LRRC37B: variants seen among roughly 807,000 people sequenced by gnomAD.
LRRC37B encodes the protein leucine-rich repeat-containing protein 37B.
Under a neutral mutation model 98.3 loss-of-function variants are expected in LRRC37B, and 28 were observed. That is an observed-to-expected ratio of 0.28 (90% CI 0.21 to 0.39). The LOEUF is 0.39. Among genes scored for constraint, LRRC37B ranks in the 10% least tolerant of loss-of-function variants. The pLI is 1.00. For synonymous variants in LRRC37B, 364 were observed against 442.7 expected (o/e 0.82, Z 2.23); for missense variants, 938 against 1,182.7 (o/e 0.79, Z 3.03).
chr17:32,021,213 A>G, exon 1 of LRRC37B: 1 of 1,612,846 alleles, frequency 6.2e-7, no homozygotes, highest in Non-Finnish European at 8.5e-7. Flanking sequence ...TTTACTAGTC[A>G]AGGAGGCTCA....
intron 2 of LRRC37B, 102 bp from the exon 6 acceptor site, chr17:32,027,667 A>G (rs968680475): frequency 8.7e-7 from 1 of 1,153,528 alleles, no homozygotes; most frequent in African/African-American, 1.5e-5. Flanking sequence ...ACCATCTTGA[A>G]ATGACCATGA....
rs1051711722 is a variant in LRRC37B, at chr17:32,025,052, T to TTTC, written c.1832+270_1832+271insTTC. ...CTCGTTTTTTTTTTTTTTTTTTTTT[T>TTTC]CAGAGACAAGGTCTTACTTTGTCCC... is the stretch of plus-strand genomic sequence containing the variant. On this transcript the variant is annotated intron_variant, in intron 2 of 11. Coordinates refer to ENST00000327564, the Ensembl canonical transcript of LRRC37B. Among the ~76,000 whole-genome samples the TTTC allele has an allele frequency of 3.2e-4, 43 of 135,978 alleles. 1 individual carries two copies. The highest frequency in any genetic ancestry group is 1.0e-3 in the African/African-American group (39 of 38,338). The allele number at this position is 135,978 out of a possible 152,430, so 89.2% of individuals were successfully genotyped here.
chr17:32,049,290 G>A (rs1448937807), exon 10 of LRRC37B: 1 of 1,613,816 alleles, frequency 6.2e-7, no homozygotes, highest in South Asian at 1.1e-5. Context: ...CGAGCAGCAG[G>A]AAGCAAAGGC....
At chr17:32,020,497 C>T (rs1910739219), upstream of LRRC37B, among the ~76,000 whole-genome samples, 1 of 152,114 alleles carries the variant, frequency 6.6e-6, no homozygotes, top group Non-Finnish European at 1.5e-5. Flanking sequence ...GAAGCCTTCT[C>T]TCCCAGACTG....
At position 32,022,188 on chromosome 17, in the gene LRRC37B, G is replaced by C. The variant is rs377312057; in HGVS notation, c.1123G>C (p.Val375Leu). The C allele has an allele frequency of 5.0e-6, 8 of 1,613,782 alleles. No individual in the cohort carries two copies. In the African/African-American group the frequency reaches 9.3e-5, roughly 19 times the overall value. ...CAAGTTTACAGTCAAACCTGCAGAT[G>C]TGGAGGTTACCATGACTTCAGAGCC... Residue 375 changes from valine (V) to leucine (L), a missense_variant, in exon 1 of 12, where the codon GTG (valine) becomes CTG (leucine). Transcript: ENST00000327564.
chr17:32,015,574 T>G (rs937151667), intron 1 of LRRC37B, among the ~76,000 whole-genome samples: 1 of 152,216 alleles, frequency 6.6e-6, no homozygotes, highest in African/African-American at 2.4e-5. Flanking sequence ...AGTTGTCTTT[T>G]GAAGTCTAGA....
chr17:32,053,218 A>G (rs2142266010), intron 11 of LRRC37B, 48 bp from the exon 15 acceptor site: 1 of 1,266,514 alleles, frequency 7.9e-7, no homozygotes, highest in Non-Finnish European at 1.1e-6. Context: ...CATTGGAGAT[A>G]GTGGTTGTTG....
chr17:32,046,599 C>CTTTTTTTT (rs796570580), intron 8 of LRRC37B, among the ~76,000 whole-genome samples: 67 of 132,770 alleles, frequency 5.0e-4, no homozygotes, highest in Admixed American at 9.1e-4. Flanking sequence ...TTCTTTTTTT[C>CTTTTTTTT]TTTTTTTTTT....
intron 3 of LRRC37B, among the ~76,000 whole-genome samples, chr17:32,030,271 G>A (rs1396358259): frequency 6.6e-6 from 1 of 152,072 alleles, no homozygotes; most frequent in Non-Finnish European, 1.5e-5. Flanking sequence ...ACTGGCTTAG[G>A]AAAACAAAGC....
At chr17:32,022,350 G>T in exon 1 of LRRC37B, 1 of 1,613,976 alleles carries the variant, frequency 6.2e-7, no homozygotes, top group Non-Finnish European at 8.5e-7. Flanking sequence ...TCCACCTTCA[G>T]ACAAGGGTCA....
chr17:32,012,302 C>T (rs999000782), intron 1 of LRRC37B, among the ~76,000 whole-genome samples: 19 of 152,200 alleles, frequency 1.2e-4, no homozygotes, highest in African/African-American at 3.9e-4. Context: ...TTTATGCGTC[C>T]TGTATTTTGA....
intron 5 of LRRC37B, 132 bp downstream of exon 8, chr17:32,031,590 A>G (rs1911108224): frequency 1.6e-6 from 2 of 1,223,866 alleles, no homozygotes; most frequent in African/African-American, 1.6e-5. Flanking sequence ...GTTTTTCTCA[A>G]ATGGGGAAAC....
At chr17:32,039,627 G>T (rs1911369236) in intron 7 of LRRC37B, among the ~76,000 whole-genome samples, 1 of 130,482 alleles carries the variant, frequency 7.7e-6, no homozygotes, top group Non-Finnish European at 1.6e-5. Flanking sequence ...ATTTCTGCAA[G>T]GCCCTATTGT....
At chr17:32,020,804 G>C, upstream of LRRC37B, 1 of 652,896 alleles carries the variant, frequency 1.5e-6, no homozygotes, top group Non-Finnish European at 2.4e-6. Context: ...CCAAGGCCAG[G>C]TCCCGTGACT....
chr17:32,025,029 C>CTTTTT (rs1567614542), intron 2 of LRRC37B, among the ~76,000 whole-genome samples: 2 of 35,240 alleles, frequency 5.7e-5, no homozygotes, highest in Non-Finnish European at 5.6e-5. Context: ...TTTTTTTCCT[C>CTTTTT]GTTTTTTTTT....
At chr17:32,018,867 A>T (rs916680535), upstream of LRRC37B, among the ~76,000 whole-genome samples, 4 of 152,142 alleles carry the variant, frequency 2.6e-5, no homozygotes, top group Non-Finnish European at 5.9e-5. Flanking sequence ...TAGACCACAT[A>T]CATGATGGTG....
upstream of LRRC37B, among the ~76,000 whole-genome samples, chr17:32,019,057 G>C (rs995938693): frequency 1.3e-5 from 2 of 152,154 alleles, no homozygotes; most frequent in Non-Finnish European, 1.5e-5. Context: ...CTCCTGAGTA[G>C]CTGGGATTAT....
At chr17:32,039,035 A>C (rs1304483524) in intron 7 of LRRC37B, among the ~76,000 whole-genome samples, 2 of 152,162 alleles carry the variant, frequency 1.3e-5, no homozygotes, top group African/African-American at 4.8e-5. Flanking sequence ...GATTTACTCT[A>C]TATGTCTTCT....
chr17:32,009,654 A>G (rs1910484503), intron 1 of LRRC37B, among the ~76,000 whole-genome samples: 1 of 151,328 alleles, frequency 6.6e-6, no homozygotes, highest in Non-Finnish European at 1.5e-5. Context: ...TTTTTTTAAG[A>G]CAGAGTCTCG....
Sources: gnomAD v4.1 joint callset for allele counts (sites outside exome capture counted in the v4.1 genomes callset) on GRCh38, gnomAD v4.1.1 for gene constraint, MANE v1.5 for transcripts, NCBI Gene and HGNC (gene_info 2026-07-23, HGNC 2026-07-21) for gene names.